ZDHHC21: variants seen among roughly 807,000 people sequenced by gnomAD.
The protein encoded by ZDHHC21 is palmitoyltransferase ZDHHC21.
In ZDHHC21, 15 loss-of-function variants were observed where a neutral mutation model predicts 34.6. The observed-to-expected ratio is 0.43, with a 90% CI of 0.29 to 0.67. The LOEUF is 0.67. Among genes scored for constraint, ZDHHC21 ranks in the 30% least tolerant of loss-of-function variants. ZDHHC21 has a pLI of 0.14. For missense variants in ZDHHC21, 344 were observed against 327.7 expected, an observed-to-expected ratio of 1.05 and a Z score of -0.38; for synonymous variants, 142 against 101.8, an observed-to-expected ratio of 1.40 and a Z score of -2.38.
the ZDHHC21 span, among the ~76,000 whole-genome samples, chr9:14,597,494 GAAC>G: frequency 1.3e-5 from 2 of 152,172 alleles, no homozygotes; most frequent in Non-Finnish European, 2.9e-5. Context: ...ATGCCACTGA[GAAC>G]AACGCAGTCC....
intron 3 of ZDHHC21, among the ~76,000 whole-genome samples, chr9:14,676,863 T>A (rs1836486888): frequency 6.6e-6 from 1 of 151,996 alleles, no homozygotes; most frequent in South Asian, 2.1e-4. Flanking sequence ...TGACAAGTGC[T>A]CTCTCAACGT....
At chr9:14,600,624 A>C in the ZDHHC21 span, among the ~76,000 whole-genome samples, 1 of 151,832 alleles carries the variant, frequency 6.6e-6, no homozygotes, top group East Asian at 1.9e-4. Context: ...GTTACCATTG[A>C]CTTCACAGAA....
rs765489009 is a variant in ZDHHC21, at chr9:14,639,886, A to G, written c.621+10T>C. On this transcript the variant is annotated intron_variant, in intron 8 of 9. Transcript: ENST00000380916. ...TCATAAATGTTACTTTACATTAAAAATATACTTACTGTGATGATGCCAATT... is the reference window on the plus strand; with the variant it reads ...TCATAAATGTTACTTTACATTAAAAGTATACTTACTGTGATGATGCCAATT... 7.7e-6 allele frequency: 11 copies of G among 1,437,018 alleles called. No individual in the cohort carries two copies. The highest frequency in any genetic ancestry group is 9.5e-6 in the Non-Finnish European group (10 of 1,047,368). 89.0% of individuals were successfully genotyped at this position (1,437,018 alleles called of 1,614,324 possible).
chr9:14,607,274 C>A (rs1823042250), downstream of ZDHHC21, among the ~76,000 whole-genome samples: 1 of 152,106 alleles, frequency 6.6e-6, no homozygotes, highest in African/African-American at 2.4e-5. Flanking sequence ...ATGGCAAAAT[C>A]CCGACTCTAC....
At chr9:14,619,326 G>GA (rs1824846579) in intron 9 of ZDHHC21, among the ~76,000 whole-genome samples, 1 of 152,096 alleles carries the variant, frequency 6.6e-6, no homozygotes, top group Non-Finnish European at 1.5e-5. Context: ...TGAAGCAGAG[G>GA]AAAATCTCAG....
rs746932445 is a variant in ZDHHC21, at chr9:14,613,366, T to C, written c.*5600A>G. On this transcript the variant is annotated 3_prime_UTR_variant, in exon 10 of 10. Coordinates refer to ENST00000380916, the MANE Select transcript of ZDHHC21 (RefSeq NM_178566.6). ...AAGTGAATAGCACCAGGATGTTTTA[T>C]AGTTGTTGAGGTTATAAAACACGAA... 7 of 151,884 alleles carry C rather than the reference T, an allele frequency of 4.6e-5. No homozygotes were observed. The highest frequency in any genetic ancestry group is 8.8e-5 in the Non-Finnish European group (6 of 67,868). The allele number at this position is 151,884 out of a possible 1,614,324, so 9.4% of individuals were successfully genotyped here.
chr9:14,691,059 T>A (rs985962873), intron 1 of ZDHHC21, among the ~76,000 whole-genome samples: 1 of 152,150 alleles, frequency 6.6e-6, no homozygotes, highest in Non-Finnish European at 1.5e-5. Flanking sequence ...CCTTCCCTCT[T>A]TTGCCTGGTA....
intron 8 of ZDHHC21, among the ~76,000 whole-genome samples, chr9:14,629,590 C>A (rs1371420651): frequency 6.6e-6 from 1 of 152,116 alleles, no homozygotes; most frequent in Non-Finnish European, 1.5e-5. Flanking sequence ...GTCTAAAACA[C>A]AATGTACATA....
In ZDHHC21 at chr9:14,614,659, A is replaced by C. The variant is rs549594111; in HGVS notation, c.*4307T>G. On this transcript the variant is annotated 3_prime_UTR_variant, in exon 10 of 10. Coordinates refer to ENST00000380916, the MANE Select transcript of ZDHHC21 (RefSeq NM_178566.6). ...AAATTCAGAGGATGATTTCTAGAAT[A>C]AAAGTTAACAAACTTGGGCATTAAA... 5.3e-5 allele frequency: 8 copies of C among 151,878 alleles called. No homozygotes were observed. The highest frequency in any genetic ancestry group is 1.0e-4 in the Non-Finnish European group (7 of 67,732). The allele number at this position is 151,878 out of a possible 1,614,324, so 9.4% of individuals were successfully genotyped here. A position where few individuals can be genotyped will look rare whatever the true frequency, so the allele number is the denominator to read the frequency against.
chr9:14,664,650 G>A lies in ZDHHC21; in HGVS notation c.254-2324C>T, dbSNP rs540012374. 1.3e-4 allele frequency among the ~76,000 whole-genome samples: 20 copies of A among 151,596 alleles called. No homozygotes were observed. In the East Asian group the frequency reaches 3.7e-3, roughly 28 times the overall value. ...GCAGTGGTTCTCCCTGCACGCAGCT[G>A]GAGATCTGAGAACTGGCAGACTGCC... On this transcript the variant is annotated intron_variant, in intron 5 of 9. Coordinates refer to ENST00000380916, the MANE Select transcript of ZDHHC21 (RefSeq NM_178566.6).
rs996129943 is a variant in ZDHHC21 at position 14,611,665 on chromosome 9, T to C, written c.*7301A>G. On this transcript the variant is annotated 3_prime_UTR_variant, in exon 10 of 10. Coordinates refer to ENST00000380916, the MANE Select transcript of ZDHHC21 (RefSeq NM_178566.6). ...AATTTTAGGAGCCTCAAGAATAACA[T>C]AGATTTTGGCTATTCATTAAACTTG... 25 of 149,118 alleles carry C rather than the reference T, an allele frequency of 1.7e-4. No homozygotes were observed. Among genetic ancestry groups the C allele is most frequent in the African/African-American group, 5.7e-4 (22 of 38,796 alleles). 9.2% of individuals were successfully genotyped at this position (149,118 alleles called of 1,614,324 possible). A position where few individuals can be genotyped will look rare whatever the true frequency, so the allele number is the denominator to read the frequency against.
chr9:14,643,200 A>G (rs960004579), intron 7 of ZDHHC21, among the ~76,000 whole-genome samples: 3 of 152,352 alleles, frequency 2.0e-5, no homozygotes, highest in Admixed American at 2.0e-4. Flanking sequence ...GTGAGCCGAG[A>G]TCGTGCCACT....
In ZDHHC21 at chr9:14,613,874, T is replaced by C. The variant is rs1490130272; in HGVS notation, c.*5092A>G. The C allele has an allele frequency of 2.6e-5, 4 of 151,868 alleles. No individual in the cohort carries two copies. The South Asian group carries it at 8.3e-4, about 32-fold the overall frequency. The allele number at this position is 151,868 out of a possible 1,614,324, so 9.4% of individuals were successfully genotyped here. On this transcript the variant is annotated 3_prime_UTR_variant, in exon 10 of 10. Transcript: ENST00000380916. ...CTATTCATTTCTCCTCTGCATTAAA[T>C]AGCTGAGTTTTCCACATTATTTTTA...
At chr9:14,597,823 T>TG in the ZDHHC21 span, among the ~76,000 whole-genome samples, 2 of 152,172 alleles carry the variant, frequency 1.3e-5, no homozygotes, top group African/African-American at 4.8e-5. Flanking sequence ...GCCTACCTTC[T>TG]GGGGGTCTAA....
In ZDHHC21 at chr9:14,618,013, A is replaced by G. The variant is rs1824570894; in HGVS notation, c.*953T>C. The G allele has an allele frequency of 1.3e-5, 2 of 152,448 alleles. No homozygotes were observed. Among genetic ancestry groups the G allele is most frequent in the African/African-American group, 2.4e-5 (1 of 41,426 alleles). 9.4% of individuals were successfully genotyped at this position (152,448 alleles called of 1,614,324 possible). Reference sequence around the variant, plus strand: ...GTACATAAATAAAAGTAAAAAGTATACTCTTTTCAAAAGCACAATATTCCT... The same window carrying G: ...GTACATAAATAAAAGTAAAAAGTATGCTCTTTTCAAAAGCACAATATTCCT... On this transcript the variant is annotated 3_prime_UTR_variant, in exon 10 of 10. Coordinates refer to ENST00000380916, the MANE Select transcript of ZDHHC21 (RefSeq NM_178566.6).
chr9:14,630,813 G>A (rs879480795), intron 8 of ZDHHC21, among the ~76,000 whole-genome samples: 1 of 152,178 alleles, frequency 6.6e-6, no homozygotes, highest in African/African-American at 2.4e-5. Flanking sequence ...GTAATATTAC[G>A]AAAGGAACTT....
At chr9:14,622,341 G>A (rs996161380) in intron 8 of ZDHHC21, among the ~76,000 whole-genome samples, 1 of 151,072 alleles carries the variant, frequency 6.6e-6, no homozygotes, top group Admixed American at 6.6e-5. Context: ...TTATTTTTCA[G>A]GTCTAGTCTA....
At chr9:14,609,008 C>T (rs1586826508), downstream of ZDHHC21, among the ~76,000 whole-genome samples, 5 of 151,972 alleles carry the variant, frequency 3.3e-5, no homozygotes, top group Admixed American at 2.6e-4. Flanking sequence ...TAGCAGTGGA[C>T]GTTTCTTCTC....
intron 5 of ZDHHC21, among the ~76,000 whole-genome samples, chr9:14,666,719 G>A (rs1834515638): frequency 1.1e-5 from 1 of 91,474 alleles, no homozygotes; most frequent in African/African-American, 3.7e-5. Flanking sequence ...TCAACTACAT[G>A]GAAACTGAAC....
Sources: gnomAD v4.1 joint callset for allele counts (sites outside exome capture counted in the v4.1 genomes callset) on GRCh38, gnomAD v4.1.1 for gene constraint, MANE v1.5 for transcripts, NCBI Gene and HGNC (gene_info 2026-07-23, HGNC 2026-07-21) for gene names.